The following THSD7A variants were observed in gnomAD, a reference collection of about 807,000 sequenced individuals.
The protein encoded by THSD7A is thrombospondin type-1 domain-containing protein 7A.
Under a neutral mutation model 231.3 loss-of-function variants are expected in THSD7A, and 96 were observed. The observed-to-expected ratio is 0.41, with a 90% CI of 0.35 to 0.49. The LOEUF is 0.49. Ranked by LOEUF, THSD7A falls within the 20% of genes least tolerant of loss-of-function variation. The pLI is 0.05. For synonymous variants in THSD7A, 940 were observed against 743.3 expected (o/e 1.26, Z -4.30); for missense variants, 2,290 against 2,070.2 (o/e 1.11, Z -2.06).
rs1028601973 is a variant in THSD7A, at chr7:11,411,688, A to G, written c.3683-366T>C. Among the ~76,000 whole-genome samples, 4 of 152,264 alleles carry G rather than the reference A, an allele frequency of 2.6e-5. No individual in the cohort carries two copies. Among genetic ancestry groups the G allele is most frequent in the Admixed American group, 6.5e-5 (1 of 15,286 alleles). ...TAGCATTACTTTTAGCCAAATAATC[A>G]TAATTGTGACAGACGGTACTTTAAC... is the stretch of plus-strand genomic sequence containing the variant. On this transcript the variant is annotated intron_variant, in intron 18 of 27. Transcript: ENST00000423059. This position sits in a 1 kb window ranked among gnomAD's most constrained non-coding sequence, Gnocchi z 4.1.
Position 11,543,037 on chromosome 7 carries a change from C to A in THSD7A, c.1534G>T (p.Glu512Ter). The A allele has an allele frequency of 1.2e-6, 2 of 1,613,882 alleles. No homozygotes were observed. The highest frequency in any genetic ancestry group is 1.7e-6 in the Non-Finnish European group (2 of 1,179,818). ...TQLCHIPCPT[E>*]CEVSPWSAWG... Reference sequence around the variant, plus strand: ...GCTGACCAAGGTGAAACTTCACATTCAGTTGGACAAGGAATGTGGCACAGC... The same window carrying A: ...GCTGACCAAGGTGAAACTTCACATTAAGTTGGACAAGGAATGTGGCACAGC... The change falls in exon 5 of 28, where the codon GAA (glutamate) becomes TAA (stop). Residue 512 changes from glutamate to a stop codon, truncating the protein, a stop_gained. Coordinates refer to ENST00000423059, the MANE Select transcript of THSD7A (RefSeq NM_015204.3). LOFTEE classifies it high-confidence loss of function.
intron 23 of THSD7A, among the ~76,000 whole-genome samples, chr7:11,397,712 AAAC>A (rs1283405351): frequency 6.6e-6 from 1 of 152,244 alleles, no homozygotes; most frequent in Non-Finnish European, 1.5e-5. Flanking sequence ...ATTTACAAGA[AAAC>A]AACAACCCCA....
intron 25 of THSD7A, 98 bp from the exon 26 acceptor site, chr7:11,379,378 T>C: frequency 5.0e-6 from 6 of 1,198,286 alleles, no homozygotes; most frequent in Non-Finnish European, 7.2e-6. Flanking sequence ...AGGTTTGTTT[T>C]GGGAATTACT....
chr7:11,826,560 C>T (rs2128188483), intron 1 of THSD7A, among the ~76,000 whole-genome samples: 1 of 152,084 alleles, frequency 6.6e-6, no homozygotes, highest in Admixed American at 6.5e-5. Flanking sequence ...CCCTGTAATC[C>T]CAGAACTTTG....
intron 2 of THSD7A, among the ~76,000 whole-genome samples, chr7:11,618,820 A>G (rs1013536342): frequency 2.4e-4 from 37 of 151,896 alleles, no homozygotes; most frequent in African/African-American, 8.9e-4. Flanking sequence ...AAGGAGAAGA[A>G]TAAATTTAGT....
intron 4 of THSD7A, among the ~76,000 whole-genome samples, chr7:11,578,404 G>T (rs1485978770): frequency 6.6e-6 from 1 of 152,096 alleles, no homozygotes; most frequent in Non-Finnish European, 1.5e-5. Flanking sequence ...TAAATTAAAT[G>T]TCCAGGAAGT....
At chr7:11,673,459 G>C (rs1426709718) in intron 1 of THSD7A, among the ~76,000 whole-genome samples, 2 of 152,148 alleles carry the variant, frequency 1.3e-5, no homozygotes, top group Admixed American at 6.5e-5. Flanking sequence ...AGCACCTGCT[G>C]TCTGCCAGGC....
chr7:11,762,899 AAC>A (rs869239243), intron 1 of THSD7A, among the ~76,000 whole-genome samples: 2 of 152,208 alleles, frequency 1.3e-5, no homozygotes, highest in Admixed American at 6.5e-5. Context: ...CTACAGATTC[AAC>A]ACAGTTACTT....
intron 6 of THSD7A, among the ~76,000 whole-genome samples, chr7:11,488,303 A>G (rs568770274): frequency 3.3e-5 from 5 of 152,276 alleles, no homozygotes; most frequent in African/African-American, 7.2e-5. Flanking sequence ...ATAACCAATA[A>G]AAGTTTACAA....
chr7:11,826,546 A>G (rs1250621197), intron 1 of THSD7A, among the ~76,000 whole-genome samples: 1 of 152,114 alleles, frequency 6.6e-6, no homozygotes, highest in Non-Finnish European at 1.5e-5. Flanking sequence ...AAAAGTGCAA[A>G]TGTCCCTGTA....
intron 1 of THSD7A, among the ~76,000 whole-genome samples, chr7:11,716,496 C>T (rs1526545): frequency 0.14 from 20,798 of 151,672 alleles, 1,583 homozygotes; most frequent in Admixed American, 0.19. Context: ...TCCTGCTTCC[C>T]TACTTTATTG....
At chr7:11,820,642 G>C (rs188061436) in intron 1 of THSD7A, 106 of 773,052 alleles carry the variant, frequency 1.4e-4, no homozygotes, top group African/African-American at 1.3e-3. Context: ...CGAGCGCTCT[G>C]CCACCTCCTC....
intron 1 of THSD7A, among the ~76,000 whole-genome samples, chr7:11,694,061 T>A (rs961358589): frequency 6.6e-6 from 1 of 151,518 alleles, no homozygotes; most frequent in African/African-American, 2.4e-5. Flanking sequence ...TGTGCAGCTA[T>A]ATAAAAGTAT....
chr7:11,636,973 A>T lies in THSD7A; in HGVS notation c.191-12T>A. The T allele has an allele frequency of 1.3e-6, 2 of 1,588,976 alleles. No homozygotes were observed. The highest frequency in any genetic ancestry group is 2.2e-5 in the East Asian group (1 of 44,600). ...TCGGCCCCATGGACCTACAAAAATTATAACACAAAAATTAGCAGTGCTACT... is the reference window on the plus strand; with the variant it reads ...TCGGCCCCATGGACCTACAAAAATTTTAACACAAAAATTAGCAGTGCTACT... On this transcript the variant is annotated splice_polypyrimidine_tract_variant and intron_variant, in intron 1 of 27. Transcript: ENST00000423059. This position sits in a 1 kb window ranked among gnomAD's most constrained non-coding sequence, Gnocchi z 10.0.
At chr7:11,623,253 C>T (rs1781375792) in intron 2 of THSD7A, among the ~76,000 whole-genome samples, 1 of 152,098 alleles carries the variant, frequency 6.6e-6, no homozygotes, top group African/African-American at 2.4e-5. Flanking sequence ...ATTCCTCAGT[C>T]CATGAGTCAG....
chr7:11,572,357 A>T (rs1048526458), intron 4 of THSD7A, among the ~76,000 whole-genome samples: 5 of 152,140 alleles, frequency 3.3e-5, no homozygotes, highest in African/African-American at 1.2e-4. Flanking sequence ...TCCTTTTGCA[A>T]TCCTCAATTA....
At chr7:11,537,148 C>A (rs567276065) in intron 6 of THSD7A, among the ~76,000 whole-genome samples, 1 of 152,268 alleles carries the variant, frequency 6.6e-6, no homozygotes, top group African/African-American at 2.4e-5. Flanking sequence ...ATGACAAGAA[C>A]TACTTGGGAA....
chr7:11,441,838 C>T (rs996722699), intron 13 of THSD7A, among the ~76,000 whole-genome samples: 1 of 150,624 alleles, frequency 6.6e-6, no homozygotes, highest in African/African-American at 2.4e-5. Flanking sequence ...CGGCAGGGGT[C>T]GGGGGCTAGG....
intron 1 of THSD7A, among the ~76,000 whole-genome samples, chr7:11,787,475 C>A (rs1042672665): frequency 6.6e-6 from 1 of 151,854 alleles, no homozygotes; most frequent in Non-Finnish European, 1.5e-5. Context: ...GAAGACAAGC[C>A]ACGCATTGGG....
Sources: allele counts gnomAD v4.1 joint callset (sites outside exome capture counted in the v4.1 genomes callset), GRCh38; gene constraint gnomAD v4.1.1; non-coding constraint Gnocchi (gnomAD v3.1); transcripts MANE v1.5; gene names NCBI Gene and HGNC (gene_info 2026-07-23, HGNC 2026-07-21).